Variants in CARD10 observed in about 807,000 individuals in gnomAD.
CARD10 encodes caspase recruitment domain family member 10.
CARD10 carries 49 observed loss-of-function variants against 114.6 expected under a neutral mutation model. That is an observed-to-expected ratio of 0.43 (90% CI 0.34 to 0.54). CARD10 has a LOEUF of 0.54. CARD10 is among the 20% of genes least tolerant of loss of function. The pLI is 0.03. For synonymous variants in CARD10, 602 were observed against 593.2 expected, an observed-to-expected ratio of 1.01 and a Z score of -0.21; for missense variants, 1,206 against 1,397.2, an observed-to-expected ratio of 0.86 and a Z score of 2.18.
rs56236616 is a variant in CARD10 at position 37,496,042 on chromosome 22, G to C, written c.2060-39C>G. ...GGGCAGGGGGCAGCAAGGAGGACAA[G>C]AGGAGGATGGTGAGGTCCAGGATCG... On this transcript the variant is annotated intron_variant, in intron 13 of 19. Coordinates refer to ENST00000251973, the MANE Select transcript of CARD10 (RefSeq NM_014550.4). The surrounding 1 kb of genome is among the most constrained non-coding windows in gnomAD (Gnocchi z 4.1). 9.6e-3 allele frequency: 15,358 copies of C among 1,606,552 alleles called. 118 individuals are homozygous for C. Among genetic ancestry groups the C allele is most frequent in the Non-Finnish European group, 0.012 (13,536 of 1,175,150 alleles).
rs1922909494 is a variant in CARD10 at position 37,494,204 on chromosome 22, G to A, written c.2374-16C>T. On this transcript the variant is annotated splice_polypyrimidine_tract_variant and intron_variant, in intron 15 of 19. Transcript: ENST00000251973. ...TCTTCTTCAGCTGGGAGGGTGCAGG[G>A]ACAGAGGAGCATCTGAGAGCTCAGC... 1.3e-6 allele frequency: 2 copies of A among 1,526,280 alleles called. No individual in the cohort carries two copies. Among genetic ancestry groups the A allele is most frequent in the South Asian group, 2.4e-5 (2 of 83,550 alleles). 94.5% of individuals were successfully genotyped at this position (1,526,280 alleles called of 1,614,324 possible). A position where few individuals can be genotyped will look rare whatever the true frequency, so the allele number is the denominator to read the frequency against.
At chr22:37,510,544 G>A in intron 3 of CARD10, 123 bp from the exon 4 acceptor site, 3 of 765,270 alleles carry the variant, frequency 3.9e-6, no homozygotes, top group Non-Finnish European at 4.2e-6. Flanking sequence ...GCCGAAGCAG[G>A]AGTCCTCCCC....
chr22:37,491,206 C>T lies in CARD10; in HGVS notation c.3052G>A (p.Val1018Met). 1.3e-6 allele frequency: 2 copies of T among 1,578,972 alleles called. No homozygotes were observed. Among genetic ancestry groups the T allele is most frequent in the South Asian group, 2.3e-5 (2 of 86,628 alleles). The stretch of plus-strand genomic sequence containing the variant: ...CAGCCTCTGCTGCTGCCGCACTCCA[C>T]CCACACGAGGCGGGCCTGCTCCTGC... ...ILQEQARLVW[V>M]ECGSSRGCPS... Residue 1018 changes from valine to methionine, a missense_variant, in exon 20 of 20, where the codon GTG becomes ATG. Coordinates refer to ENST00000251973, the MANE Select transcript of CARD10 (RefSeq NM_014550.4).
At chr22:37,502,468 C>A in intron 11 of CARD10, 134 bp downstream of exon 11, 1 of 1,023,618 alleles carries the variant, frequency 9.8e-7, no homozygotes, top group African/African-American at 1.6e-5. Flanking sequence ...AATCCAAGGG[C>A]TGCCAGTGTC....
At chr22:37,500,645 TGA>T (rs1923180256) in intron 11 of CARD10, among the ~76,000 whole-genome samples, 1 of 152,250 alleles carries the variant, frequency 6.6e-6, no homozygotes, top group South Asian at 2.1e-4. Context: ...AATACGGATG[TGA>T]GATCTCCAAC....
At chr22:37,518,520 G>C (rs1035573322) in intron 1 of CARD10, among the ~76,000 whole-genome samples, 7 of 152,198 alleles carry the variant, frequency 4.6e-5, no homozygotes, top group African/African-American at 1.4e-4. Context: ...TGTGGGAGTG[G>C]GGACCCACGT....
chr22:37,499,983 AG>A (rs1923153893), intron 11 of CARD10, among the ~76,000 whole-genome samples: 1 of 152,188 alleles, frequency 6.6e-6, no homozygotes, highest in African/African-American at 2.4e-5. Flanking sequence ...ACAGGCAGAC[AG>A]GAACGGGGCA....
At chr22:37,503,994 T>C (rs1445276664) in intron 9 of CARD10, 192 bp downstream of exon 9, 1 of 712,194 alleles carries the variant, frequency 1.4e-6, no homozygotes, top group Admixed American at 2.0e-5. Context: ...CCATCGGCCT[T>C]ATCTTAAGCC....
In CARD10 at chr22:37,497,131, T is replaced by C. The variant is rs1316206171; in HGVS notation, c.1835A>G (p.Glu612Gly). The C allele has an allele frequency of 1.2e-6, 2 of 1,614,098 alleles. No individual in the cohort carries two copies. Among genetic ancestry groups the C allele is most frequent in the African/African-American group, 2.7e-5 (2 of 74,946 alleles). ...VSGRSPPGGP[E>G]PQDKGPDGLS... ...TCCATCTGGTCCCTTGTCCTGCGGC[T>C]CTGGGCCCCCTGGGGGGCTCCGGCC... The change falls in exon 12 of 20, where the codon GAG becomes GGG. Residue 612 changes from glutamate to glycine, a missense_variant. This residue lies in a region of CARD10 where 1,068 missense variants were observed against 1,179.1 expected (regional missense o/e 0.91). Coordinates refer to ENST00000251973, the MANE Select transcript of CARD10 (RefSeq NM_014550.4).
chr22:37,501,378 G>A lies in CARD10; in HGVS notation c.1787+1224C>T, dbSNP rs552862336. Among the ~76,000 whole-genome samples the A allele has an allele frequency of 1.3e-5, 2 of 152,184 alleles. No individual in the cohort carries two copies. The highest frequency in any genetic ancestry group is 6.5e-5 in the Admixed American group (1 of 15,288). On this transcript the variant is annotated intron_variant, in intron 11 of 19. Coordinates refer to ENST00000251973, the MANE Select transcript of CARD10 (RefSeq NM_014550.4). This position sits in a 1 kb window ranked among gnomAD's most constrained non-coding sequence, Gnocchi z 5.4. Reference sequence around the variant, plus strand: ...AAACTGGAGGAAGGGAGGAAGGGCCGAGGCGAGCAGGAAGGGAGGCGCCTC... The same window carrying A: ...AAACTGGAGGAAGGGAGGAAGGGCCAAGGCGAGCAGGAAGGGAGGCGCCTC...
In CARD10 at chr22:37,502,625, G is replaced by C; in HGVS notation, c.1764C>G (p.Gly588=). The part of the protein sequence containing the change: ...LGKPEGLLAR[G]CGLDFLNRSL... ...ACCTGTTGAGGAAGTCCAGGCCACA[G>C]CCCCGAGCCAGGAGGCCTTCCGGCT... is the stretch of plus-strand genomic sequence containing the variant. The change falls in exon 11 of 20, where the codon GGC becomes GGG. Residue 588 remains glycine (G), a synonymous_variant. Transcript: ENST00000251973. 5.0e-6 allele frequency: 8 copies of C among 1,613,928 alleles called. No individual in the cohort carries two copies. Among genetic ancestry groups the C allele is most frequent in the Non-Finnish European group, 8.5e-7 (1 of 1,179,964 alleles).
intron 16 of CARD10, among the ~76,000 whole-genome samples, chr22:37,493,364 G>A (rs1282011369): frequency 3.3e-5 from 5 of 152,124 alleles, no homozygotes; most frequent in Admixed American, 6.5e-5. Flanking sequence ...TGTGCCCCAC[G>A]GCCCCCAGTT....
intron 18 of CARD10, 60 bp from the exon 19 acceptor site, chr22:37,491,927 G>A (rs756419501): frequency 1.5e-5 from 17 of 1,171,226 alleles, no homozygotes; most frequent in African/African-American, 7.5e-5. Context: ...CCTCCCATGC[G>A]CTGCCCCCAG....
chr22:37,509,290 C>T, intron 4 of CARD10: 1 of 623,078 alleles, frequency 1.6e-6, no homozygotes, highest in Non-Finnish European at 2.6e-6. Flanking sequence ...CAGGCCACAC[C>T]CTCTACAAAT....
intron 3 of CARD10, among the ~76,000 whole-genome samples, chr22:37,510,780 CAAG>C (rs541971989): frequency 2.6e-5 from 4 of 152,140 alleles, no homozygotes; most frequent in South Asian, 4.1e-4. Flanking sequence ...AGGGCCGCAT[CAAG>C]AAGAAGTGGG....
Position 37,516,082 on chromosome 22 carries a change from A to C in CARD10, c.590T>G (p.Leu197Arg), listed in dbSNP as rs1281971136. ...RLREDWEAGS[L>R]ELLRLKDENY... ...CTCATCCTTGAGCCGCAGCAGCTCCAGGCTGCCCGCCTCCCAGTCCTCCCG... is the reference window on the plus strand; with the variant it reads ...CTCATCCTTGAGCCGCAGCAGCTCCCGGCTGCCCGCCTCCCAGTCCTCCCG... The change falls in exon 3 of 20, where the codon CTG becomes CGG. Residue 197 changes from leucine to arginine, a missense_variant. Leu to Arg is a moderately radical substitution (Grantham distance 102). Coordinates refer to ENST00000251973, the MANE Select transcript of CARD10 (RefSeq NM_014550.4). 6.3e-7 allele frequency: 1 copy of C among 1,596,030 alleles called. No homozygotes were observed. Among genetic ancestry groups the C allele is most frequent in the South Asian group, 1.1e-5 (1 of 88,600 alleles).
intron 2 of CARD10, among the ~76,000 whole-genome samples, chr22:37,517,754 T>C (rs1261686879): frequency 6.6e-6 from 1 of 152,148 alleles, no homozygotes; most frequent in Non-Finnish European, 1.5e-5. Flanking sequence ...GAAAGAGCCA[T>C]CTTAAGCATG....
Position 37,512,465 on chromosome 22 carries a change from CCACACACACA to C in CARD10, c.700-2054_700-2045del, listed in dbSNP as rs36080549. ...AGAGGTTAGAATGGCAGCCCCCCCT[CCACACACACA>C]CACACACACACACACACACACACAC... On this transcript the variant is annotated intron_variant, in intron 3 of 19. Coordinates refer to ENST00000251973, the MANE Select transcript of CARD10 (RefSeq NM_014550.4). Among the ~76,000 whole-genome samples, 280 of 113,834 alleles carry C rather than the reference CCACACACACA, an allele frequency of 2.5e-3. 2 individuals carry two copies. Among genetic ancestry groups the C allele is most frequent in the African/African-American group, 3.7e-3 (120 of 32,374 alleles). The allele number at this position is 113,834 out of a possible 152,430, so 74.7% of individuals were successfully genotyped here. A position where few individuals can be genotyped will look rare whatever the true frequency, so the allele number is the denominator to read the frequency against.
intron 19 of CARD10, 47 bp from the exon 20 acceptor site, chr22:37,491,440 G>T: frequency 7.5e-7 from 1 of 1,335,460 alleles, no homozygotes; most frequent in South Asian, 1.5e-5. Flanking sequence ...GACCAAGACA[G>T]ACAGAGAGAC....
Sources: allele counts gnomAD v4.1 joint callset (sites outside exome capture counted in the v4.1 genomes callset), GRCh38; gene constraint gnomAD v4.1.1; regional missense constraint gnomAD v4.1.1; non-coding constraint Gnocchi (gnomAD v3.1); transcripts MANE v1.5; gene names NCBI Gene and HGNC (gene_info 2026-07-23, HGNC 2026-07-21).